HDAC4: variants seen among roughly 807,000 people sequenced by gnomAD.
HDAC4 encodes the protein histone deacetylase A.
HDAC4 carries 16 observed loss-of-function variants against 135.1 expected under a neutral mutation model. The observed-to-expected ratio is 0.12, with a 90% CI of 0.08 to 0.18. HDAC4 has a LOEUF of 0.18. Among genes scored for constraint, HDAC4 ranks in the 10% least tolerant of loss-of-function variants. The pLI is 1.00. For missense variants in HDAC4, 1,143 were observed against 1,511.8 expected, an observed-to-expected ratio of 0.76 and a Z score of 4.05; for synonymous variants, 685 against 653.4, an observed-to-expected ratio of 1.05 and a Z score of -0.74.
At chr2:239,098,815 A>G (rs2037354060) in intron 16 of HDAC4, among the ~76,000 whole-genome samples, 1 of 152,252 alleles carries the variant, frequency 6.6e-6, no homozygotes, top group South Asian at 2.1e-4. Flanking sequence ...GACTGATGAT[A>G]ATGAAGTTTC....
chr2:239,183,882 G>A (rs576654922), intron 4 of HDAC4, among the ~76,000 whole-genome samples: 2 of 149,612 alleles, frequency 1.3e-5, no homozygotes, highest in African/African-American at 4.9e-5. Context: ...TAAGGATCAT[G>A]ACCCACGCTC....
rs1276088949 is a variant in HDAC4, at chr2:239,240,359, CTG to C, written c.23-3697_23-3696del. Reference sequence around the variant, plus strand: ...ATGTGCACAGAATAGATTCTTAACGCTGTGTTTTTTCAGATATCATATTCCAG... The same window carrying C: ...ATGTGCACAGAATAGATTCTTAACGCTGTTTTTTCAGATATCATATTCCAG... On this transcript the variant is annotated intron_variant, in intron 2 of 26. Transcript: ENST00000543185. The surrounding 1 kb of genome is among the most constrained non-coding windows in gnomAD (Gnocchi z 4.5). Among the ~76,000 whole-genome samples the C allele has an allele frequency of 6.6e-6, 1 of 152,236 alleles. No homozygotes were observed. Among genetic ancestry groups the C allele is most frequent in the Non-Finnish European group, 1.5e-5 (1 of 68,048 alleles).
chr2:239,145,532 C>T (rs923656016), intron 7 of HDAC4, among the ~76,000 whole-genome samples: 3 of 152,232 alleles, frequency 2.0e-5, no homozygotes, highest in African/African-American at 7.2e-5. Flanking sequence ...CTAAAGGCAG[C>T]GACCGGAGTC....
intron 3 of HDAC4, among the ~76,000 whole-genome samples, chr2:239,197,640 G>A (rs770955477): frequency 2.0e-5 from 3 of 152,136 alleles, no homozygotes; most frequent in Non-Finnish European, 4.4e-5. Context: ...GCTTCTTCAT[G>A]TGTGATTTCC....
intron 20 of HDAC4, 62 bp from the exon 21 acceptor site, chr2:239,082,283 AG>A: frequency 6.2e-7 from 1 of 1,608,456 alleles, no homozygotes; most frequent in Non-Finnish European, 8.5e-7. Context: ...GCCTCCCCTG[AG>A]GGCCGTCCCC....
chr2:239,297,215 A>G (rs1462131694), intron 2 of HDAC4, among the ~76,000 whole-genome samples: 2 of 152,062 alleles, frequency 1.3e-5, no homozygotes, highest in East Asian at 1.9e-4. Flanking sequence ...TGAGCCCCCA[A>G]CCTTCCCACG....
chr2:239,266,121 T>C (rs1471061537), intron 2 of HDAC4, among the ~76,000 whole-genome samples: 1 of 151,944 alleles, frequency 6.6e-6, no homozygotes, highest in Non-Finnish European at 1.5e-5. Context: ...AGACCAGAGG[T>C]GAACCATAAG....
intron 2 of HDAC4, among the ~76,000 whole-genome samples, chr2:239,324,772 G>A (rs535735114): frequency 1.2e-3 from 180 of 152,348 alleles, no homozygotes; most frequent in African/African-American, 4.2e-3. Context: ...TAACAGAAGG[G>A]GGCGTGGGCG....
chr2:239,362,486 T>G (rs1363615518), intron 1 of HDAC4, among the ~76,000 whole-genome samples: 4 of 152,190 alleles, frequency 2.6e-5, no homozygotes, highest in African/African-American at 9.7e-5. Context: ...CTTACCAAGC[T>G]ACCACAAAGA....
At chr2:239,298,587 C>T (rs1273162943) in intron 2 of HDAC4, 19 of 1,018,142 alleles carry the variant, frequency 1.9e-5, no homozygotes, top group Non-Finnish European at 1.8e-5. Context: ...CACCCACATC[C>T]GGTGCACAGC....
chr2:239,211,752 T>C (rs1022279011), intron 3 of HDAC4, among the ~76,000 whole-genome samples: 2 of 152,204 alleles, frequency 1.3e-5, no homozygotes, highest in Non-Finnish European at 1.5e-5. Flanking sequence ...TCTTAAGCCA[T>C]ATAACATATT....
chr2:239,190,174 CGG>C lies in HDAC4; in HGVS notation c.95-99_95-98del, dbSNP rs74761897. ...CAACACACTGGCCACCTTCACGGGG[CGG>C]GGGGGGGGTTGTGACCATTTGAGGA... On this transcript the variant is annotated intron_variant, in intron 3 of 26. Coordinates refer to ENST00000543185, the MANE Select transcript of HDAC4 (RefSeq NM_001378414.1). The C allele has an allele frequency of 5.7e-4, 605 of 1,066,798 alleles. 1 individual carries two copies. Among genetic ancestry groups the C allele is most frequent in the Non-Finnish European group, 6.6e-4 (531 of 805,316 alleles). The allele number at this position is 1,066,798 out of a possible 1,614,324, so 66.1% of individuals were successfully genotyped here. A position where few individuals can be genotyped will look rare whatever the true frequency, so the allele number is the denominator to read the frequency against.
At chr2:239,096,355 C>T (rs532147551) in intron 16 of HDAC4, among the ~76,000 whole-genome samples, 11 of 115,940 alleles carry the variant, frequency 9.5e-5, no homozygotes, top group South Asian at 6.3e-4. Flanking sequence ...CACACCCCAC[C>T]GACAGATGCC....
At chr2:239,175,083 G>GTA (rs1407009976) in intron 5 of HDAC4, among the ~76,000 whole-genome samples, 1 of 152,182 alleles carries the variant, frequency 6.6e-6, no homozygotes, top group Non-Finnish European at 1.5e-5. Context: ...TGAGGAAAAT[G>GTA]TATACCTCGA....
At chr2:239,359,153 T>C (rs537054467) in intron 1 of HDAC4, among the ~76,000 whole-genome samples, 1 of 152,370 alleles carries the variant, frequency 6.6e-6, no homozygotes, top group Admixed American at 6.5e-5. Flanking sequence ...AAAGCTTTTA[T>C]ATTATGAAAA....
At chr2:239,179,106 C>T (rs1437315862) in intron 4 of HDAC4, among the ~76,000 whole-genome samples, 1 of 140,770 alleles carries the variant, frequency 7.1e-6, no homozygotes. Context: ...GTGGGGAGTG[C>T]GTGCGAGGCA....
chr2:239,256,187 G>A (rs1324267760), intron 2 of HDAC4, among the ~76,000 whole-genome samples: 1 of 152,198 alleles, frequency 6.6e-6, no homozygotes, highest in Non-Finnish European at 1.5e-5. Context: ...CACAGAAAGC[G>A]GTTCACTGAA....
chr2:239,144,437 C>T, intron 8 of HDAC4, 146 bp downstream of exon 8: 4 of 1,081,522 alleles, frequency 3.7e-6, no homozygotes, highest in Non-Finnish European at 2.8e-6. Context: ...CTGGCACTTC[C>T]AGCGCCATGG....
intron 5 of HDAC4, among the ~76,000 whole-genome samples, chr2:239,170,939 CCAG>C (rs2043412991): frequency 6.6e-6 from 1 of 152,122 alleles, no homozygotes; most frequent in South Asian, 2.1e-4. Context: ...GTAACGATGG[CCAG>C]AAATCCACCA....
Sources: allele counts gnomAD v4.1 joint callset (sites outside exome capture counted in the v4.1 genomes callset), GRCh38; gene constraint gnomAD v4.1.1; non-coding constraint Gnocchi (gnomAD v3.1); transcripts MANE v1.5; gene names NCBI Gene and HGNC (gene_info 2026-07-23, HGNC 2026-07-21).